The following ZYG11A variants were observed in gnomAD, a reference collection of about 807,000 sequenced individuals.
The protein encoded by ZYG11A is zyg-11 family member A, cell cycle regulator, also known as protein zyg-11 homolog A.
Under a neutral mutation model 77.2 loss-of-function variants are expected in ZYG11A, and 62 were observed. The ratio of observed to expected loss-of-function variants is 0.80; its 90% CI spans 0.65 to 0.99. The LOEUF (loss-of-function observed/expected upper bound fraction) is 0.99. ZYG11A is among the 50% of genes least tolerant of loss of function. The probability of loss-of-function intolerance (pLI) is 0.00; values close to 1 mark genes in which losing one functional copy is unlikely to be tolerated. For synonymous variants in ZYG11A, 315 were observed against 324.6 expected (o/e 0.97, Z 0.32); for missense variants, 828 against 896.8 (o/e 0.92, Z 0.98).
intron 8 of ZYG11A, among the ~76,000 whole-genome samples, chr1:52,872,305 T>C (rs1646182201): frequency 6.6e-6 from 1 of 152,100 alleles, no homozygotes; most frequent in Non-Finnish European, 1.5e-5. Context: ...GGTTTCGCCA[T>C]GTTGGCCAGT....
intron 10 of ZYG11A, among the ~76,000 whole-genome samples, chr1:52,880,903 T>C (rs1242603649): frequency 2.0e-5 from 3 of 152,200 alleles, no homozygotes; most frequent in Admixed American, 6.5e-5. Flanking sequence ...AGCTAAGTCA[T>C]GCTGAGACTC....
intron 1 of ZYG11A, among the ~76,000 whole-genome samples, chr1:52,852,147 C>T (rs1337826525): frequency 6.6e-6 from 1 of 151,882 alleles, no homozygotes; most frequent in Admixed American, 6.6e-5. Flanking sequence ...AACTGCTGAC[C>T]TCATGATCCA....
rs113462147 is a variant in ZYG11A, at chr1:52,875,758, T to G, written c.1543-1924T>G. On this transcript the variant is annotated intron_variant, in intron 8 of 13. Coordinates refer to ENST00000371528, the MANE Select transcript of ZYG11A (RefSeq NM_001004339.3). ...GAGTTTAGAGTAGAATAAAGATGTTTGCTTTAGTTTGGAGCAGAAGGGAAG... is the reference window on the plus strand; with the variant it reads ...GAGTTTAGAGTAGAATAAAGATGTTGGCTTTAGTTTGGAGCAGAAGGGAAG... 8.6e-5 allele frequency among the ~76,000 whole-genome samples: 13 copies of G among 151,084 alleles called. No individual in the cohort carries two copies. In the East Asian group the frequency reaches 2.5e-3, roughly 29 times the overall value.
intron 1 of ZYG11A, among the ~76,000 whole-genome samples, chr1:52,843,878 G>C (rs772508405): frequency 6.6e-6 from 1 of 151,976 alleles, no homozygotes; most frequent in Non-Finnish European, 1.5e-5. Flanking sequence ...AGTAGAGACG[G>C]GGTTTCACCA....
In ZYG11A at chr1:52,857,235, C is replaced by T. The variant is rs566249078; in HGVS notation, c.494C>T (p.Ser165Leu). 168 of 1,552,198 alleles carry T rather than the reference C, an allele frequency of 1.1e-4. No homozygotes were observed. The East Asian group carries it at 1.1e-3, about 10-fold the overall frequency. The change falls in exon 3 of 14, where the codon TCG becomes TTG. Residue 165 changes from serine (S) to leucine (L), a missense_variant. Physicochemically the swap from Ser to Leu is moderately radical, Grantham distance 145. Coordinates refer to ENST00000371528, the MANE Select transcript of ZYG11A (RefSeq NM_001004339.3). ...AACCTCCAGTGTCTCCTGTTAGACT[C>T]GACAAGCATCCCTCAAAATTCAAGA... ...QQNLQCLLLDSTSIPQNSRLL... is the reference protein window; with the variant it reads ...QQNLQCLLLDLTSIPQNSRLL...
chr1:52,883,527 A>C (rs1646396369), intron 11 of ZYG11A, among the ~76,000 whole-genome samples: 1 of 151,816 alleles, frequency 6.6e-6, no homozygotes, highest in African/African-American at 2.4e-5. Context: ...TCCTGGGTTC[A>C]AGTGATCCTC....
At chr1:52,885,753 T>G in intron 11 of ZYG11A, 80 bp from the exon 12 acceptor site, 1 of 1,077,594 alleles carries the variant, frequency 9.3e-7, no homozygotes, top group Non-Finnish European at 1.3e-6. Context: ...ATTTGTTCAA[T>G]CGTTCCCAGA....
intron 10 of ZYG11A, among the ~76,000 whole-genome samples, chr1:52,878,351 G>A (rs1323291836): frequency 2.0e-5 from 3 of 152,144 alleles, no homozygotes; most frequent in Non-Finnish European, 2.9e-5. Context: ...GACAGTTGGT[G>A]CTGCTTACCA....
chr1:52,867,958 CTTTTTTTTTT>C (rs1050261180), intron 8 of ZYG11A, among the ~76,000 whole-genome samples, 181 bp downstream of exon 8: 6 of 98,178 alleles, frequency 6.1e-5, no homozygotes, highest in Non-Finnish European at 7.6e-5. Context: ...CTCCACATTT[CTTTTTTTTTT>C]TTTTTTTTTT....
At chr1:52,891,306 T>G (rs1646538807) in intron 13 of ZYG11A, among the ~76,000 whole-genome samples, 1 of 151,970 alleles carries the variant, frequency 6.6e-6, no homozygotes, top group African/African-American at 2.4e-5. Context: ...TTTTTTTTCT[T>G]CTTTAAAAGT....
intron 1 of ZYG11A, among the ~76,000 whole-genome samples, chr1:52,853,988 A>G (rs1645761965): frequency 6.6e-6 from 1 of 152,210 alleles, no homozygotes; most frequent in South Asian, 2.1e-4. Context: ...GAATTCAGCC[A>G]ACTTTGGATG....
chr1:52,877,584 A>C (rs1465068748), intron 8 of ZYG11A, 98 bp from the exon 9 acceptor site: 2 of 1,043,374 alleles, frequency 1.9e-6, no homozygotes, highest in Non-Finnish European at 2.7e-6. Flanking sequence ...ACTTGGGTTT[A>C]GAACCGAGGT....
chr1:52,854,730 C>T, intron 2 of ZYG11A, 100 bp downstream of exon 2: 3 of 1,217,930 alleles, frequency 2.5e-6, no homozygotes, highest in Admixed American at 3.1e-5. Context: ...AAAGTATTTC[C>T]ATTTCATTTG....
chr1:52,893,179 C>G lies in ZYG11A; in HGVS notation c.*222C>G. ...CCTTTCAGCAGCAATTTTGAAGACTCAAACCGTGGACTCTGGGAAGGCCTG... is the reference window on the plus strand; with the variant it reads ...CCTTTCAGCAGCAATTTTGAAGACTGAAACCGTGGACTCTGGGAAGGCCTG... On this transcript the variant is annotated 3_prime_UTR_variant, in exon 14 of 14. Coordinates refer to ENST00000371528, the MANE Select transcript of ZYG11A (RefSeq NM_001004339.3). The G allele has an allele frequency of 2.0e-6, 1 of 498,696 alleles. No individual in the cohort carries two copies. Among genetic ancestry groups the G allele is most frequent in the Non-Finnish European group, 3.6e-6 (1 of 279,456 alleles). The allele number at this position is 498,696 out of a possible 1,614,324, so 30.9% of individuals were successfully genotyped here.
At position 52,877,837 on chromosome 1, in the gene ZYG11A, C is replaced by A; in HGVS notation, c.1698C>A (p.Val566=). 1 of 1,551,442 alleles carries A rather than the reference C, an allele frequency of 6.4e-7. No individual in the cohort carries two copies. ...AAGGATTGCAAATCTTCATCCAAGT[C>A]TTGGAGGTGGGAAGACAGGATTGAG... ...ENQGLQIFIQ[V]LETFSESAIQ... Residue 566 remains valine (V), a synonymous_variant, in exon 9 of 14, where the codon GTC becomes GTA. Transcript: ENST00000371528.
At position 52,867,588 on chromosome 1, in the gene ZYG11A, C is replaced by G; in HGVS notation, c.1441C>G (p.Pro481Ala). ...VMRWLCKHEN[P>A]KMQTMAVSVT... The stretch of plus-strand genomic sequence containing the variant: ...GAGATGGCTCTGTAAGCATGAAAAC[C>G]CCAAGATGCAAACAATGGCAGTGAG... Residue 481 changes from proline to alanine, a missense_variant, in exon 7 of 14, where the codon CCC becomes GCC. Transcript: ENST00000371528. The G allele has an allele frequency of 6.4e-7, 1 of 1,552,214 alleles. No individual in the cohort carries two copies. Among genetic ancestry groups the G allele is most frequent in the Non-Finnish European group, 8.7e-7 (1 of 1,147,118 alleles).
At position 52,881,590 on chromosome 1, in the gene ZYG11A, CAT is replaced by C; in HGVS notation, c.1871_1872del (p.Ile624SerfsTer6). On this transcript the variant is annotated frameshift_variant, in exon 11 of 14. Transcript: ENST00000371528. LOFTEE classifies it high-confidence loss of function. Reference protein sequence around the residue: ...MEVSYFAAGIIAHLTSDRQLW... With the variant: ...MEVSYFAAGIXAHLTSDRQLW... ...AAGTCAGCTATTTTGCTGCAGGTATCATAGCCCACCTGACATCTGACAGACAG... is the reference window on the plus strand; with the variant it reads ...AAGTCAGCTATTTTGCTGCAGGTATCAGCCCACCTGACATCTGACAGACAG... 6.4e-7 allele frequency: 1 copy of C among 1,552,288 alleles called. No individual in the cohort carries two copies. The highest frequency in any genetic ancestry group is 8.7e-7 in the Non-Finnish European group (1 of 1,147,090).
Position 52,892,933 on chromosome 1 carries a change from C to T in ZYG11A, c.2256C>T (p.Pro752=). The T allele has an allele frequency of 2.6e-6, 4 of 1,551,838 alleles. No individual in the cohort carries two copies. Among genetic ancestry groups the T allele is most frequent in the Non-Finnish European group, 2.6e-6 (3 of 1,147,018 alleles). The change falls in exon 14 of 14, where the codon CCC becomes CCT. Residue 752 remains proline (P), a synonymous_variant. Coordinates refer to ENST00000371528, the MANE Select transcript of ZYG11A (RefSeq NM_001004339.3). ...FRMHFMNYQR[P]TLCQMPF is the part of the protein sequence containing the mutation. ...TGCATTTCATGAATTATCAGAGGCC[C>T]ACTCTGTGTCAAATGCCCTTCTGAA...
chr1:52,872,304 A>G (rs1173848413), intron 8 of ZYG11A, among the ~76,000 whole-genome samples: 2 of 151,992 alleles, frequency 1.3e-5, no homozygotes, highest in Non-Finnish European at 2.9e-5. Flanking sequence ...AGGTTTCGCC[A>G]TGTTGGCCAG....
Sources: allele counts gnomAD v4.1 joint callset (sites outside exome capture counted in the v4.1 genomes callset), GRCh38; gene constraint gnomAD v4.1.1; transcripts MANE v1.5; gene names NCBI Gene and HGNC (gene_info 2026-07-23, HGNC 2026-07-21).